Variants in NCBP3 observed in about 807,000 individuals in gnomAD.
NCBP3 encodes the protein nuclear cap-binding protein subunit 3.
In NCBP3, 20 loss-of-function variants were observed where a neutral mutation model predicts 75.7. That is an observed-to-expected ratio of 0.26 (90% CI 0.19 to 0.38). The LOEUF (loss-of-function observed/expected upper bound fraction) is 0.38, where lower values mean the gene tolerates loss of function less well. Ranked by LOEUF, NCBP3 falls within the 10% of genes least tolerant of loss-of-function variation. The pLI, the probability that NCBP3 is intolerant of heterozygous loss-of-function variation, is 1.00. For synonymous variants in NCBP3, 293 were observed against 290.5 expected (o/e 1.01, Z -0.09); for missense variants, 678 against 796.9 (o/e 0.85, Z 1.80).
chr17:3,814,620 T>C, intron 11 of NCBP3, 137 bp from the exon 12 acceptor site: 1 of 859,868 alleles, frequency 1.2e-6, no homozygotes, highest in Non-Finnish European at 1.8e-6. Flanking sequence ...TGCTAAGTAT[T>C]CTTCCTTTGT....
At chr17:3,813,686 T>C (rs953007052) in intron 12 of NCBP3, among the ~76,000 whole-genome samples, 2 of 152,216 alleles carry the variant, frequency 1.3e-5, no homozygotes, top group Admixed American at 6.5e-5. Context: ...AATTTAACAA[T>C]AGAGAAATAC....
At chr17:3,825,908 T>A in intron 5 of NCBP3, 65 bp from the exon 6 acceptor site, 1 of 1,426,760 alleles carries the variant, frequency 7.0e-7, no homozygotes, top group Non-Finnish European at 9.6e-7. Flanking sequence ...AGATACAAGA[T>A]GAACTATCTC....
At chr17:3,829,393 A>AT in intron 3 of NCBP3, 25 bp from the exon 4 acceptor site, 1 of 1,549,772 alleles carries the variant, frequency 6.5e-7, no homozygotes. Context: ...CACAGAAAAG[A>AT]TGATAGAATT....
chr17:3,829,177 T>C (rs1295086929), intron 4 of NCBP3, 66 bp downstream of exon 4: 10 of 1,524,102 alleles, frequency 6.6e-6, no homozygotes, highest in Middle Eastern at 1.7e-4. Context: ...TCACCATCTC[T>C]GATGGCAAGA....
chr17:3,818,211 A>G lies in NCBP3; in HGVS notation c.1310+52T>C, dbSNP rs898483761. ...AAATTAGGAGGAATTAAGAAGTTAT[A>G]CTAGTATTTAAAATCAAATTAAAAG... On this transcript the variant is annotated intron_variant, in intron 10 of 12. Transcript: ENST00000389005. The surrounding 1 kb of genome is among the most constrained non-coding windows in gnomAD (Gnocchi z 4.7). 7.1e-6 allele frequency: 9 copies of G among 1,264,116 alleles called. No homozygotes were observed. In the South Asian group the frequency reaches 8.8e-5, roughly 12 times the overall value. 78.3% of individuals were successfully genotyped at this position (1,264,116 alleles called of 1,614,324 possible).
In NCBP3 at chr17:3,814,097, A is replaced by G. The variant is rs2051560218; in HGVS notation, c.1627+225T>C. 3.9e-5 allele frequency among the ~76,000 whole-genome samples: 6 copies of G among 152,380 alleles called. No individual in the cohort carries two copies. The South Asian group carries it at 1.2e-3, about 32-fold the overall frequency. Reference sequence around the variant, plus strand: ...GAAACTAAAAAGATTTGTGCCAAACAGAAAGAGCCAGGAGTGTGCTATTTT... The same window carrying G: ...GAAACTAAAAAGATTTGTGCCAAACGGAAAGAGCCAGGAGTGTGCTATTTT... On this transcript the variant is annotated intron_variant, in intron 12 of 12. Coordinates refer to ENST00000389005, the MANE Select transcript of NCBP3 (RefSeq NM_001114118.3).
Position 3,818,683 on chromosome 17 carries a change from T to G in NCBP3, c.1001-111A>C, listed in dbSNP as rs2053602647. 1.7e-6 allele frequency: 2 copies of G among 1,199,708 alleles called. No homozygotes were observed. Among genetic ancestry groups the G allele is most frequent in the South Asian group, 2.9e-5 (2 of 68,026 alleles). The allele number at this position is 1,199,708 out of a possible 1,614,324, so 74.3% of individuals were successfully genotyped here. A position where few individuals can be genotyped will look rare whatever the true frequency, so the allele number is the denominator to read the frequency against. On this transcript the variant is annotated intron_variant, in intron 9 of 12. Transcript: ENST00000389005. The surrounding 1 kb of genome is among the most constrained non-coding windows in gnomAD (Gnocchi z 4.7). ...AAGGTGGGGTTCCCATCCCTGACATTTTATTGGAGCACTATCTATAATAGT... is the reference window on the plus strand; with the variant it reads ...AAGGTGGGGTTCCCATCCCTGACATGTTATTGGAGCACTATCTATAATAGT...
In NCBP3 at chr17:3,812,256, T is replaced by A. The variant is rs918241280; in HGVS notation, c.*788A>T. On this transcript the variant is annotated 3_prime_UTR_variant, in exon 13 of 13. Coordinates refer to ENST00000389005, the MANE Select transcript of NCBP3 (RefSeq NM_001114118.3). ...ATATAAAAATTAAAAATTTAAACTT[T>A]CAAATCATTCATGTTTTAAACATAA... 3 of 153,076 alleles carry A rather than the reference T, an allele frequency of 2.0e-5. No homozygotes were observed. Among genetic ancestry groups the A allele is most frequent in the Non-Finnish European group, 4.4e-5 (3 of 68,476 alleles). The allele number at this position is 153,076 out of a possible 1,614,324, so 9.5% of individuals were successfully genotyped here.
intron 11 of NCBP3, among the ~76,000 whole-genome samples, chr17:3,814,806 AG>A (rs1301704399): frequency 6.6e-6 from 1 of 152,072 alleles, no homozygotes; most frequent in Non-Finnish European, 1.5e-5. Context: ...AAATCCTGTG[AG>A]CTCCTGGAAA....
In NCBP3 at chr17:3,826,130, G is replaced by A. The variant is rs1315469735; in HGVS notation, c.567C>T (p.Ser189=). 1.9e-6 allele frequency: 3 copies of A among 1,551,428 alleles called. No individual in the cohort carries two copies. The highest frequency in any genetic ancestry group is 1.2e-5 in the South Asian group (1 of 84,058). ...CTGACTTGTCCTCACTGGCATCCCTGCTTCTGATCTTATCCTGTGCAGGCA... is the reference window on the plus strand; with the variant it reads ...CTGACTTGTCCTCACTGGCATCCCTACTTCTGATCTTATCCTGTGCAGGCA... ...SSLPAQDKIR[S]RDASEDKSAE... Residue 189 remains serine, a synonymous_variant, in exon 5 of 13, where the codon AGC becomes AGT. Transcript: ENST00000389005.
Position 3,813,021 on chromosome 17 carries a change from A to C in NCBP3, c.*23T>G. 1 of 1,613,766 alleles carries C rather than the reference A, an allele frequency of 6.2e-7. No homozygotes were observed. The highest frequency in any genetic ancestry group is 8.5e-7 in the Non-Finnish European group (1 of 1,179,846). On this transcript the variant is annotated 3_prime_UTR_variant, in exon 13 of 13. Coordinates refer to ENST00000389005, the MANE Select transcript of NCBP3 (RefSeq NM_001114118.3). ...GTGCAAGAATGTCAGGCTTTAGGGC[A>C]GCTGCCATAGGCCCCAGGGGCATCA...
rs1182609022 is a variant in NCBP3 at position 3,809,741 on chromosome 17, T to C, written c.*3303A>G. The C allele has an allele frequency of 1.3e-5, 2 of 151,910 alleles. No individual in the cohort carries two copies. Among genetic ancestry groups the C allele is most frequent in the Non-Finnish European group, 2.9e-5 (2 of 67,976 alleles). The allele number at this position is 151,910 out of a possible 1,614,324, so 9.4% of individuals were successfully genotyped here. A position where few individuals can be genotyped will look rare whatever the true frequency, so the allele number is the denominator to read the frequency against. On this transcript the variant is annotated 3_prime_UTR_variant, in exon 13 of 13. Coordinates refer to ENST00000389005, the MANE Select transcript of NCBP3 (RefSeq NM_001114118.3). Reference sequence around the variant, plus strand: ...TAATAGAAATAGAAATATATATATATAGCCCTAAAGTAGAAACAACTCAAA... The same window carrying C: ...TAATAGAAATAGAAATATATATATACAGCCCTAAAGTAGAAACAACTCAAA...
chr17:3,839,590 C>T (rs1277093597), intron 3 of NCBP3, among the ~76,000 whole-genome samples: 1 of 152,158 alleles, frequency 6.6e-6, no homozygotes, highest in Non-Finnish European at 1.5e-5. Flanking sequence ...TCAAGTGATC[C>T]ACCTGCCTTG....
intron 2 of NCBP3, among the ~76,000 whole-genome samples, chr17:3,842,435 G>T (rs563317976): frequency 5.7e-4 from 86 of 152,168 alleles, no homozygotes; most frequent in Non-Finnish European, 1.0e-3. Flanking sequence ...AATATGGGGG[G>T]CCTACCATCT....
At chr17:3,820,027 A>T (rs1465372827) in intron 9 of NCBP3, among the ~76,000 whole-genome samples, 1 of 152,198 alleles carries the variant, frequency 6.6e-6, no homozygotes, top group Non-Finnish European at 1.5e-5. Flanking sequence ...ATCTTGGCTC[A>T]CTGCAGCCTT....
intron 4 of NCBP3, among the ~76,000 whole-genome samples, chr17:3,828,726 C>A (rs1217644539): frequency 6.6e-6 from 1 of 152,082 alleles, no homozygotes; most frequent in Non-Finnish European, 1.5e-5. Flanking sequence ...CAGTTCAAGG[C>A]AAGCAGAAAT....
At position 3,803,871 on chromosome 17, in the gene NCBP3, C is replaced by A. The variant is rs1011408722; in HGVS notation, c.*9173G>T. The stretch of plus-strand genomic sequence containing the variant: ...CGGGCGGATCACAAAGTCAGGAGAT[C>A]GAGACCATCCTGGCTAACACGGTGA... On this transcript the variant is annotated 3_prime_UTR_variant, in exon 13 of 13. Coordinates refer to ENST00000389005, the MANE Select transcript of NCBP3 (RefSeq NM_001114118.3). 1 of 151,490 alleles carries A rather than the reference C, an allele frequency of 6.6e-6. No homozygotes were observed. Among genetic ancestry groups the A allele is most frequent in the Non-Finnish European group, 1.5e-5 (1 of 67,852 alleles). The allele number at this position is 151,490 out of a possible 1,614,324, so 9.4% of individuals were successfully genotyped here. A position where few individuals can be genotyped will look rare whatever the true frequency, so the allele number is the denominator to read the frequency against.
intron 12 of NCBP3, 52 bp downstream of exon 12, chr17:3,814,270 G>A (rs1182917404): frequency 1.3e-6 from 2 of 1,579,982 alleles, no homozygotes; most frequent in Non-Finnish European, 1.7e-6. Flanking sequence ...TACACCCACT[G>A]TCCTCTGCTC....
intron 10 of NCBP3, among the ~76,000 whole-genome samples, chr17:3,816,812 T>G (rs2053541969): frequency 6.6e-6 from 1 of 152,130 alleles, no homozygotes; most frequent in Non-Finnish European, 1.5e-5. Flanking sequence ...GGCGGGCGGA[T>G]CACGAGGTCA....
Sources: allele counts gnomAD v4.1 joint callset (sites outside exome capture counted in the v4.1 genomes callset), GRCh38; gene constraint gnomAD v4.1.1; non-coding constraint Gnocchi (gnomAD v3.1); transcripts MANE v1.5; gene names NCBI Gene and HGNC (gene_info 2026-07-23, HGNC 2026-07-21).